Variants in JAK1 observed in about 807,000 individuals in gnomAD.
JAK1 encodes the protein Janus kinase 1.
A neutral mutation model predicts 136.6 loss-of-function variants in JAK1; 16 were observed. That is an observed-to-expected ratio of 0.12 (90% CI 0.08 to 0.18). JAK1 has a LOEUF of 0.18. Ranked by LOEUF, JAK1 falls within the 10% of genes least tolerant of loss-of-function variation. The pLI is 1.00. For synonymous variants in JAK1, 492 were observed against 519.5 expected (o/e 0.95, Z 0.72); for missense variants, 859 against 1,450.1 (o/e 0.59, Z 6.62).
intron 1 of JAK1, among the ~76,000 whole-genome samples, chr1:64,949,400 G>C (rs1646043026): frequency 6.6e-6 from 1 of 151,994 alleles, no homozygotes; most frequent in Non-Finnish European, 1.5e-5. Flanking sequence ...CATTTACTAG[G>C]GTATTTCATC....
chr1:64,934,259 T>C (rs1645748672), intron 1 of JAK1, among the ~76,000 whole-genome samples: 1 of 152,176 alleles, frequency 6.6e-6, no homozygotes, highest in Admixed American at 6.5e-5. Flanking sequence ...GGAAACTTGC[T>C]CAACAAATGA....
chr1:65,013,986 C>G lies in JAK1; in HGVS notation c.-78+30494G>C, dbSNP rs532898673. Among the ~76,000 whole-genome samples the G allele has an allele frequency of 4.5e-4, 69 of 152,154 alleles. No homozygotes were observed. The South Asian group carries it at 0.014, about 31-fold the overall frequency. On this transcript the variant is annotated intron_variant, in intron 2 of 25. Coordinates refer to the JAK1 transcript ENST00000671954. ...TTTTAAGAACAATAAAATTAAACTT[C>G]TAGAAATAAAATTTACCATTACTGA... is the stretch of plus-strand genomic sequence containing the variant.
intron 7 of JAK1, among the ~76,000 whole-genome samples, chr1:64,866,277 C>T (rs1260456823): frequency 6.6e-6 from 1 of 152,208 alleles, no homozygotes; most frequent in East Asian, 1.9e-4. Context: ...AGTCATGAAG[C>T]TAGGATCTGA....
At chr1:65,007,531 G>A (rs1164066941) in intron 2 of JAK1, among the ~76,000 whole-genome samples, 1 of 152,134 alleles carries the variant, frequency 6.6e-6, no homozygotes, top group Admixed American at 6.5e-5. Context: ...TGCAATCTCA[G>A]CTCACCGCAA....
intron 2 of JAK1, among the ~76,000 whole-genome samples, chr1:64,976,035 T>A (rs1000641047): frequency 6.6e-6 from 1 of 152,258 alleles, no homozygotes; most frequent in Non-Finnish European, 1.5e-5. Context: ...CACAGAGTTT[T>A]GGGGACTGGA....
chr1:65,033,556 A>G (rs1208055168), intron 2 of JAK1, among the ~76,000 whole-genome samples: 1 of 152,030 alleles, frequency 6.6e-6, no homozygotes, highest in Admixed American at 6.6e-5. Context: ...GATTTCATGA[A>G]CAAATTCAGC....
At chr1:64,992,485 AAAATGGTTCAAGAAACACCTCCCT>A (rs1164268342) in intron 2 of JAK1, 2 of 152,204 alleles carry the variant, frequency 1.3e-5, no homozygotes. Context: ...TTCTGATTTC[AAAATGGTTCAAGAAACACCTCCCT>A]AAATGGTTCA....
At chr1:64,934,193 G>A (rs962414995) in intron 1 of JAK1, among the ~76,000 whole-genome samples, 1 of 152,228 alleles carries the variant, frequency 6.6e-6, no homozygotes, top group Non-Finnish European at 1.5e-5. Context: ...CAGTGGAAAA[G>A]AGTTTCAGTG....
At chr1:64,921,805 A>G (rs1335278379) in intron 1 of JAK1, among the ~76,000 whole-genome samples, 1 of 152,080 alleles carries the variant, frequency 6.6e-6, no homozygotes, top group African/African-American at 2.4e-5. Context: ...GTGAGTTTCT[A>G]GAGTGAGATG....
At chr1:64,994,449 A>T (rs575904428) in intron 2 of JAK1, among the ~76,000 whole-genome samples, 1 of 152,180 alleles carries the variant, frequency 6.6e-6, no homozygotes, top group Non-Finnish European at 1.5e-5. Context: ...TTTATTTCAT[A>T]CAGTTCTGGA....
chr1:65,058,472 T>C (rs752677185), intron 1 of JAK1: 1 of 534,210 alleles, frequency 1.9e-6, no homozygotes, highest in South Asian at 1.4e-5. Context: ...ACCTTTAGAA[T>C]AGACAGCATC....
chr1:64,887,806 G>A (rs569711675), intron 1 of JAK1, among the ~76,000 whole-genome samples: 2 of 152,306 alleles, frequency 1.3e-5, no homozygotes, highest in African/African-American at 4.8e-5. Flanking sequence ...GGATCAGCAT[G>A]TGTGGGGAAA....
chr1:64,913,641 G>GAGGAAGGAAAGAAGGA lies in JAK1; in HGVS notation c.-77-27301_-77-27300insTCCTTCTTTCCTTCCT, dbSNP rs1570760069. On this transcript the variant is annotated intron_variant, in intron 1 of 24. Transcript: ENST00000342505. The stretch of plus-strand genomic sequence containing the variant: ...TTTGGGAGGGAGGGAGGGAGGAAGG[G>GAGGAAGGAAAGAAGGA]AGGAAGGAAGGAAAGAAGGAAGGAA... Among the ~76,000 whole-genome samples the GAGGAAGGAAAGAAGGA allele has an allele frequency of 1.2e-4, 7 of 56,880 alleles. No homozygotes were observed. In the East Asian group the frequency reaches 5.3e-3, roughly 43 times the overall value. The allele number at this position is 56,880 out of a possible 152,430, so 37.3% of individuals were successfully genotyped here. A position where few individuals can be genotyped will look rare whatever the true frequency, so the allele number is the denominator to read the frequency against.
intron 1 of JAK1, among the ~76,000 whole-genome samples, chr1:65,045,648 T>C (rs567101260): frequency 3.3e-5 from 5 of 152,304 alleles, no homozygotes; most frequent in African/African-American, 7.2e-5. Context: ...GAGGACTAAA[T>C]GAGATCAACA....
At chr1:65,035,539 C>T (rs1647065151) in intron 2 of JAK1, among the ~76,000 whole-genome samples, 1 of 152,172 alleles carries the variant, frequency 6.6e-6, no homozygotes, top group East Asian at 1.9e-4. Context: ...ATTCTACTCT[C>T]CTGTAAAATA....
At chr1:64,840,806 G>A (rs1654845856) in intron 19 of JAK1, among the ~76,000 whole-genome samples, 1 of 152,130 alleles carries the variant, frequency 6.6e-6, no homozygotes, top group South Asian at 2.1e-4. Flanking sequence ...ACTCCAGCCT[G>A]GGACACAGAG....
chr1:64,910,099 C>T (rs1200909972), intron 1 of JAK1, among the ~76,000 whole-genome samples: 1 of 152,174 alleles, frequency 6.6e-6, no homozygotes, highest in Non-Finnish European at 1.5e-5. Flanking sequence ...AATGTTGAAA[C>T]TATGATACCA....
At chr1:64,963,640 C>G (rs751206275) in intron 1 of JAK1, among the ~76,000 whole-genome samples, 4 of 152,154 alleles carry the variant, frequency 2.6e-5, no homozygotes, top group Non-Finnish European at 5.9e-5. Flanking sequence ...TAGCACGTCA[C>G]AGTTTCCATG....
chr1:64,876,130 G>A (rs751317429), intron 4 of JAK1: 6 of 152,202 alleles, frequency 3.9e-5, no homozygotes, highest in Non-Finnish European at 8.8e-5. Flanking sequence ...AAGAATCTCT[G>A]ATGAGGTGCC....
Sources: allele counts gnomAD v4.1 joint callset (sites outside exome capture counted in the v4.1 genomes callset), GRCh38; gene constraint gnomAD v4.1.1; transcripts MANE v1.5; gene names NCBI Gene and HGNC (gene_info 2026-07-23, HGNC 2026-07-21).